SAMD5: variants seen among roughly 807,000 people sequenced by gnomAD.
SAMD5 encodes the protein sterile alpha motif domain containing 5, also known as sterile alpha motif domain-containing protein 5.
SAMD5 carries 13 observed loss-of-function variants against 11.3 expected under a neutral mutation model. The ratio of observed to expected loss-of-function variants is 1.15; its 90% confidence interval spans 0.75 to 1.83. The LOEUF is 1.83. Ranked by LOEUF, SAMD5 falls within the 40% of genes most tolerant of loss-of-function variation. SAMD5 has a pLI of 0.00. For missense variants in SAMD5, 255 were observed against 239.1 expected (o/e 1.07, Z -0.44); for synonymous variants, 129 against 111.3 (o/e 1.16, Z -1.00).
rs1380674096 is a variant in SAMD5 at position 147,565,714 on chromosome 6, C to T, written c.*1258C>T. ...GCCTCAAATGATCCACTCGCCGTGG[C>T]CTCCAGTAGCGCTGGGATTACAGGC... is the stretch of plus-strand genomic sequence containing the variant. On this transcript the variant is annotated 3_prime_UTR_variant, in exon 2 of 2. Coordinates refer to ENST00000367474, the MANE Select transcript of SAMD5 (RefSeq NM_001030060.3). 6.4e-6 allele frequency: 6 copies of T among 942,426 alleles called. No homozygotes were observed. The highest frequency in any genetic ancestry group is 6.3e-6 in the Non-Finnish European group (5 of 790,858). The allele number at this position is 942,426 out of a possible 1,614,324, so 58.4% of individuals were successfully genotyped here.
the SAMD5 span, among the ~76,000 whole-genome samples, chr6:147,816,301 A>AAAAAAAAAAAAAAAAAAAAAAT: frequency 1.5e-5 from 1 of 66,356 alleles, no homozygotes; most frequent in Non-Finnish European, 2.4e-5. Flanking sequence ...AAAAAAAAAA[A>AAAAAAAAAAAAAAAAAAAAAAT]ATATATATAT....
At chr6:147,903,634 G>C in the SAMD5 span, among the ~76,000 whole-genome samples, 2 of 152,192 alleles carry the variant, frequency 1.3e-5, no homozygotes, top group Non-Finnish European at 2.9e-5. Context: ...CATCAGCCGG[G>C]TGCGGTGGCT....
At chr6:147,911,365 A>G in the SAMD5 span, among the ~76,000 whole-genome samples, 1 of 152,268 alleles carries the variant, frequency 6.6e-6, no homozygotes, top group Middle Eastern at 3.4e-3. Flanking sequence ...GATCTCCACC[A>G]TATGAAGTTA....
Position 147,533,417 on chromosome 6 carries a change from G to A in SAMD5, c.459+24030G>A, listed in dbSNP as rs566226518. ...GTGGAGGTTGCTGTAAGCCGAGATC[G>A]CGCCATTGCACTCCAGCCTGGGCAA... On this transcript the variant is annotated intron_variant, in intron 1 of 1. Transcript: ENST00000367474. Among the ~76,000 whole-genome samples, 1,112 of 145,880 alleles carry A rather than the reference G, an allele frequency of 7.6e-3. 9 individuals are homozygous for A. Among genetic ancestry groups the A allele is most frequent in the Non-Finnish European group, 0.011 (750 of 67,012 alleles).
the SAMD5 span, among the ~76,000 whole-genome samples, chr6:147,773,639 C>T: frequency 6.6e-6 from 1 of 152,198 alleles, no homozygotes; most frequent in Non-Finnish European, 1.5e-5. Context: ...AAAGCAAGCT[C>T]TTTAGTGCCT....
chr6:147,917,407 TG>T, the SAMD5 span, among the ~76,000 whole-genome samples: 3 of 151,782 alleles, frequency 2.0e-5, no homozygotes, highest in South Asian at 2.1e-4. Flanking sequence ...TGGGGTTGTT[TG>T]TTTTTTTCTT....
At chr6:147,689,504 T>G (rs557779944) in intron 1 of SAMD5, among the ~76,000 whole-genome samples, 1 of 152,330 alleles carries the variant, frequency 6.6e-6, no homozygotes, top group African/African-American at 2.4e-5. Context: ...ATATAAAACA[T>G]AGAAGTTATT....
At chr6:147,588,608 G>A (rs180776231) in intron 1 of SAMD5, among the ~76,000 whole-genome samples, 2 of 151,950 alleles carry the variant, frequency 1.3e-5, no homozygotes, top group South Asian at 2.1e-4. Context: ...TTACAGGCAT[G>A]AGCCACCGCG....
the SAMD5 span, among the ~76,000 whole-genome samples, chr6:147,919,506 A>G: frequency 8.5e-5 from 13 of 152,348 alleles, no homozygotes; most frequent in Admixed American, 8.5e-4. Flanking sequence ...AATGAGATTT[A>G]TGACCCTGAA....
intron 1 of SAMD5, among the ~76,000 whole-genome samples, chr6:147,731,270 G>A (rs1323356151): frequency 6.6e-6 from 1 of 152,148 alleles, no homozygotes; most frequent in Non-Finnish European, 1.5e-5. Context: ...TATGATGACA[G>A]TGTCACAGGT....
At chr6:147,641,715 C>T (rs377252569) in intron 1 of SAMD5, among the ~76,000 whole-genome samples, 29 of 152,216 alleles carry the variant, frequency 1.9e-4, no homozygotes, top group East Asian at 1.5e-3. Flanking sequence ...TAACATCCAG[C>T]GGTCTCAAAA....
chr6:147,800,663 C>G, the SAMD5 span, among the ~76,000 whole-genome samples: 1 of 152,136 alleles, frequency 6.6e-6, no homozygotes, highest in African/African-American at 2.4e-5. Context: ...AGATTTTTGT[C>G]TGATTATTTG....
At chr6:147,732,786 T>A (rs960001254) in intron 1 of SAMD5, among the ~76,000 whole-genome samples, 2 of 152,212 alleles carry the variant, frequency 1.3e-5, no homozygotes, top group Admixed American at 1.3e-4. Flanking sequence ...AATCAGCCAT[T>A]ATCCAACAGA....
At chr6:147,654,391 T>C (rs1270893114) in intron 1 of SAMD5, among the ~76,000 whole-genome samples, 1 of 152,122 alleles carries the variant, frequency 6.6e-6, no homozygotes, top group African/African-American at 2.4e-5. Flanking sequence ...ATTATCTCTA[T>C]ACAAAGAGCT....
the SAMD5 span, among the ~76,000 whole-genome samples, chr6:147,888,092 T>C: frequency 1.3e-5 from 2 of 152,172 alleles, no homozygotes; most frequent in Non-Finnish European, 2.9e-5. Context: ...CCCATTTTCT[T>C]TCTGAGAGTT....
At chr6:147,833,285 G>T in the SAMD5 span, among the ~76,000 whole-genome samples, 1 of 152,168 alleles carries the variant, frequency 6.6e-6, no homozygotes, top group African/African-American at 2.4e-5. Flanking sequence ...TATGATTACA[G>T]TGTTGACAGC....
intron 1 of SAMD5, among the ~76,000 whole-genome samples, chr6:147,618,489 A>G (rs140905143): frequency 4.6e-5 from 7 of 152,330 alleles, no homozygotes; most frequent in African/African-American, 1.7e-4. Flanking sequence ...GTCCTACAAG[A>G]GTACTTTGCA....
At chr6:147,664,501 G>GA (rs1790689681) in intron 1 of SAMD5, among the ~76,000 whole-genome samples, 1 of 152,126 alleles carries the variant, frequency 6.6e-6, no homozygotes. Flanking sequence ...TCCTGTCATG[G>GA]AAAAATGTTA....
chr6:147,773,498 C>T, the SAMD5 span, among the ~76,000 whole-genome samples: 1 of 152,158 alleles, frequency 6.6e-6, no homozygotes, highest in African/African-American at 2.4e-5. Context: ...ATTTATTTCT[C>T]ACAGTTCTGG....
Sources: gnomAD v4.1 joint callset for allele counts (sites outside exome capture counted in the v4.1 genomes callset) on GRCh38, gnomAD v4.1.1 for gene constraint, MANE v1.5 for transcripts, NCBI Gene and HGNC (gene_info 2026-07-23, HGNC 2026-07-21) for gene names.